SEC14L5: variants seen among roughly 807,000 people sequenced by gnomAD.
SEC14L5 encodes the protein SEC14-like protein 5.
A neutral mutation model predicts 84.6 loss-of-function variants in SEC14L5; 96 were observed. The observed-to-expected ratio is 1.13, with a 90% confidence interval of 0.96 to 1.34. The LOEUF is 1.34. Ranked by LOEUF, SEC14L5 falls within the 40% of genes most tolerant of loss-of-function variation. The pLI is 0.00. For missense variants in SEC14L5, 1,224 were observed against 942.5 expected, an observed-to-expected ratio of 1.30 and a Z score of -3.91; for synonymous variants, 546 against 383.4, an observed-to-expected ratio of 1.42 and a Z score of -4.95.
At chr16:5,012,882 G>A (rs1955821341) in intron 15 of SEC14L5, among the ~76,000 whole-genome samples, 1 of 144,794 alleles carries the variant, frequency 6.9e-6, no homozygotes, top group African/African-American at 2.6e-5. Context: ...GCGACAGAGC[G>A]AGACTGTCTC....
chr16:4,973,817 G>A (rs1955307722), intron 2 of SEC14L5, among the ~76,000 whole-genome samples: 1 of 151,900 alleles, frequency 6.6e-6, no homozygotes, highest in Non-Finnish European at 1.5e-5. Flanking sequence ...TGAGTAGCTG[G>A]GACTCCAGGT....
chr16:5,011,798 C>G (rs1955808121), intron 15 of SEC14L5, among the ~76,000 whole-genome samples: 1 of 152,136 alleles, frequency 6.6e-6, no homozygotes, highest in Admixed American at 6.5e-5. Flanking sequence ...GAGCCCCAGT[C>G]TTGTGGGTTT....
intron 5 of SEC14L5, among the ~76,000 whole-genome samples, chr16:4,991,221 C>G (rs1234229081): frequency 7.2e-6 from 1 of 139,606 alleles, no homozygotes; most frequent in Non-Finnish European, 1.5e-5. Flanking sequence ...CTAAAGACCT[C>G]AGATCCATCC....
At chr16:4,986,937 A>G (rs1428266079) in intron 2 of SEC14L5, among the ~76,000 whole-genome samples, 3 of 152,152 alleles carry the variant, frequency 2.0e-5, no homozygotes, top group African/African-American at 7.2e-5. Flanking sequence ...ACGTGTGTGG[A>G]TGCTTTAGGA....
chr16:5,006,107 G>A, intron 12 of SEC14L5, 59 bp downstream of exon 12: 2 of 1,585,056 alleles, frequency 1.3e-6, no homozygotes, highest in Non-Finnish European at 1.7e-6. Context: ...GCCTAGCTGG[G>A]AGGCTGGGAT....
intron 2 of SEC14L5, among the ~76,000 whole-genome samples, chr16:4,981,048 A>T (rs1955417264): frequency 6.6e-6 from 1 of 151,410 alleles, no homozygotes. Context: ...GGCAGGGCAG[A>T]TCACACAGGG....
At chr16:4,999,791 G>A (rs183817649) in intron 8 of SEC14L5, among the ~76,000 whole-genome samples, 145 of 150,306 alleles carry the variant, frequency 9.6e-4, no homozygotes, top group African/African-American at 3.2e-3. Context: ...GGTGCATGCC[G>A]GTAGTCCCAG....
At chr16:4,975,296 C>A (rs1256796918) in intron 2 of SEC14L5, among the ~76,000 whole-genome samples, 2 of 151,502 alleles carry the variant, frequency 1.3e-5, no homozygotes, top group African/African-American at 4.8e-5. Flanking sequence ...CACGGTGAAA[C>A]CCCGTCTCCA....
Position 5,015,178 on chromosome 16 carries a change from C to A in SEC14L5, c.*208C>A, listed in dbSNP as rs183075433. Reference sequence around the variant, plus strand: ...GGCTCTTGAAATTGCAAGGACAGAACCATCTCCTTCCGGCTTCGTGTAAGG... The same window carrying A: ...GGCTCTTGAAATTGCAAGGACAGAAACATCTCCTTCCGGCTTCGTGTAAGG... On this transcript the variant is annotated 3_prime_UTR_variant, in exon 16 of 16. Coordinates refer to ENST00000251170, the MANE Select transcript of SEC14L5 (RefSeq NM_014692.2). 2.8e-4 allele frequency: 159 copies of A among 573,568 alleles called. No individual in the cohort carries two copies. In the East Asian group the frequency reaches 4.3e-3, roughly 16 times the overall value. The allele number at this position is 573,568 out of a possible 1,614,324, so 35.5% of individuals were successfully genotyped here. A position where few individuals can be genotyped will look rare whatever the true frequency, so the allele number is the denominator to read the frequency against.
intron 14 of SEC14L5, among the ~76,000 whole-genome samples, chr16:5,009,677 G>A (rs1004468250): frequency 2.0e-5 from 3 of 152,078 alleles, no homozygotes; most frequent in African/African-American, 7.2e-5. Flanking sequence ...GTCACGTTCT[G>A]AGGTTCTGGC....
intron 14 of SEC14L5, among the ~76,000 whole-genome samples, chr16:5,009,298 C>A (rs892575432): frequency 6.6e-6 from 1 of 152,098 alleles, no homozygotes; most frequent in Non-Finnish European, 1.5e-5. Flanking sequence ...CACAGTTAGG[C>A]CCCATCTTAA....
intron 2 of SEC14L5, among the ~76,000 whole-genome samples, chr16:4,960,002 C>A: frequency 6.6e-6 from 1 of 152,038 alleles, no homozygotes; most frequent in Non-Finnish European, 1.5e-5. Flanking sequence ...GACACTGGGA[C>A]GAGAGAGAGA....
intron 2 of SEC14L5, among the ~76,000 whole-genome samples, chr16:4,964,953 A>T (rs1480079528): frequency 2.0e-5 from 3 of 151,480 alleles, no homozygotes; most frequent in African/African-American, 7.3e-5. Flanking sequence ...CTGGTCTCGA[A>T]CTCCTGGCCC....
intron 14 of SEC14L5, among the ~76,000 whole-genome samples, chr16:5,010,092 CA>C (rs1295336703): frequency 3.3e-5 from 5 of 151,122 alleles, no homozygotes; most frequent in Non-Finnish European, 7.4e-5. Context: ...CCTATAATCC[CA>C]GCACTCTGGG....
At chr16:4,966,013 C>T (rs1171937478) in intron 2 of SEC14L5, among the ~76,000 whole-genome samples, 1 of 151,876 alleles carries the variant, frequency 6.6e-6, no homozygotes, top group African/African-American at 2.4e-5. Flanking sequence ...CTGCAGTCCA[C>T]CCTGGGCAAC....
At position 4,977,384 on chromosome 16, in the gene SEC14L5, C is replaced by T. The variant is rs187765253; in HGVS notation, c.64-10173C>T. ...ATCGTTTGAACCCAGGAGGCGGAGG[C>T]GGCAGTGAGCTGAGATCGTGCCATT... On this transcript the variant is annotated intron_variant, in intron 2 of 15. Coordinates refer to ENST00000251170, the MANE Select transcript of SEC14L5 (RefSeq NM_014692.2). Among the ~76,000 whole-genome samples, 227 of 116,964 alleles carry T rather than the reference C, an allele frequency of 1.9e-3. No homozygotes were observed. In the Middle Eastern group the frequency reaches 0.02, roughly 10 times the overall value. The allele number at this position is 116,964 out of a possible 152,430, so 76.7% of individuals were successfully genotyped here.
Position 4,990,880 on chromosome 16 carries a change from C to G in SEC14L5, c.459C>G (p.Thr153=), listed in dbSNP as rs377449115. ...AGAAGATCGCCATGAAGCAGTACACCGCCAACGTCAAGAGGGTAAGCGGTG... is the reference window on the plus strand; with the variant it reads ...AGAAGATCGCCATGAAGCAGTACACGGCCAACGTCAAGAGGGTAAGCGGTG... ...ALEKIAMKQY[T]ANVKRGKEVI... The change falls in exon 5 of 16, where the codon ACC becomes ACG. Residue 153 remains threonine (T), a synonymous_variant. Transcript: ENST00000251170. 6.2e-7 allele frequency: 1 copy of G among 1,602,080 alleles called. No individual in the cohort carries two copies. Among genetic ancestry groups the G allele is most frequent in the Non-Finnish European group, 8.5e-7 (1 of 1,174,148 alleles).
chr16:4,976,767 C>T (rs1251708816), intron 2 of SEC14L5, among the ~76,000 whole-genome samples: 1 of 152,208 alleles, frequency 6.6e-6, no homozygotes. Flanking sequence ...TGGATGTCCT[C>T]TCCAGCCACC....
chr16:4,989,327 G>GTTTTTTTTTTTTT (rs5815223), intron 4 of SEC14L5, among the ~76,000 whole-genome samples: 1 of 136,458 alleles, frequency 7.3e-6, no homozygotes, highest in Non-Finnish European at 1.6e-5. Context: ...TGTTTGTTTT[G>GTTTTTTTTTTTTT]TTTTTTTTTT....
Sources: gnomAD v4.1 joint callset for allele counts (sites outside exome capture counted in the v4.1 genomes callset) on GRCh38, gnomAD v4.1.1 for gene constraint, MANE v1.5 for transcripts, NCBI Gene and HGNC (gene_info 2026-07-23, HGNC 2026-07-21) for gene names.